The following OSBP2 variants were observed in gnomAD, a reference collection of about 807,000 sequenced individuals.
OSBP2 encodes the protein oxysterol binding protein 2.
Under a neutral mutation model 96.0 loss-of-function variants are expected in OSBP2, and 66 were observed. The observed-to-expected ratio is 0.69, with a 90% CI of 0.56 to 0.84. The LOEUF (loss-of-function observed/expected upper bound fraction) is 0.84. OSBP2 is among the 40% of genes least tolerant of loss of function. The probability of loss-of-function intolerance (pLI) is 0.00; values close to 1 mark genes in which losing one functional copy is unlikely to be tolerated. For missense variants in OSBP2, 1,038 were observed against 1,222.7 expected, an observed-to-expected ratio of 0.85 and a Z score of 2.25; for synonymous variants, 525 against 520.9, an observed-to-expected ratio of 1.01 and a Z score of -0.11.
chr22:30,827,825 G>T (rs865968385), intron 2 of OSBP2, among the ~76,000 whole-genome samples: 3 of 152,358 alleles, frequency 2.0e-5, no homozygotes, highest in Non-Finnish European at 2.9e-5. Flanking sequence ...GTGGCCCACG[G>T]AAGGGTGCTT....
At chr22:30,858,914 A>ATAATAATAATAATAATAAT (rs201632027) in intron 2 of OSBP2, among the ~76,000 whole-genome samples, 2 of 146,584 alleles carry the variant, frequency 1.4e-5, no homozygotes, top group Admixed American at 1.4e-4. Context: ...AATAATAATA[A>ATAATAATAATAATAATAAT]AAGCATTCCC....
intron 1 of OSBP2, among the ~76,000 whole-genome samples, chr22:30,738,394 C>T (rs145844432): frequency 5.9e-5 from 9 of 152,094 alleles, no homozygotes; most frequent in African/African-American, 1.9e-4. Flanking sequence ...AACAGGCATG[C>T]CCAGCTTCAC....
intron 2 of OSBP2, among the ~76,000 whole-genome samples, chr22:30,831,293 A>G (rs1224778154): frequency 6.6e-6 from 1 of 152,202 alleles, no homozygotes; most frequent in Non-Finnish European, 1.5e-5. Context: ...TTCACTTGCA[A>G]TTGACTAACC....
chr22:30,761,489 A>G (rs1212510780), intron 2 of OSBP2, among the ~76,000 whole-genome samples: 2 of 152,260 alleles, frequency 1.3e-5, no homozygotes, highest in Non-Finnish European at 2.9e-5. Context: ...AAGATTCAAG[A>G]GAGTAAAGAC....
intron 2 of OSBP2, among the ~76,000 whole-genome samples, chr22:30,849,565 A>G (rs1239469824): frequency 6.6e-6 from 1 of 152,146 alleles, no homozygotes; most frequent in Non-Finnish European, 1.5e-5. Flanking sequence ...ACCTTTTCAA[A>G]TCTTTTGCTT....
At chr22:30,891,076 C>G in intron 8 of OSBP2, 103 bp downstream of exon 8, 2 of 1,406,690 alleles carry the variant, frequency 1.4e-6, no homozygotes, top group Non-Finnish European at 1.9e-6. Flanking sequence ...CTGTCTGACC[C>G]TGACTGCCCA....
Position 30,870,657 on chromosome 22 carries a change from G to T in OSBP2, c.1082G>T (p.Arg361Leu), listed in dbSNP as rs775657267. 1.2e-6 allele frequency: 2 copies of T among 1,613,598 alleles called. No individual in the cohort carries two copies. Among genetic ancestry groups the T allele is most frequent in the Non-Finnish European group, 1.7e-6 (2 of 1,179,986 alleles). Residue 361 changes from arginine (R) to leucine (L), a missense_variant, in exon 3 of 14, where the codon CGC (arginine) becomes CTC (leucine). Around this residue, in one of 3 missense-constraint regions of OSBP2, gnomAD observed 737 missense variants for 913.3 expected, o/e 0.81. Transcript: ENST00000332585. This position sits in a 1 kb window ranked among gnomAD's most constrained non-coding sequence, Gnocchi z 4.1. ...GTGAATGAGCGGGCCACCCTCTTCC[G>T]CATCACATCCAATGCTATGATCAAC... ...KVVNERATLF[R>L]ITSNAMINAC...
At chr22:30,719,476 C>T (rs1406105514) in intron 1 of OSBP2, among the ~76,000 whole-genome samples, 1 of 151,984 alleles carries the variant, frequency 6.6e-6, no homozygotes, top group Non-Finnish European at 1.5e-5. Context: ...TCACCAAGGC[C>T]AGGCACAGTG....
chr22:30,805,229 G>A (rs900276080), intron 2 of OSBP2, among the ~76,000 whole-genome samples: 3 of 152,316 alleles, frequency 2.0e-5, no homozygotes, highest in Middle Eastern at 3.4e-3. Flanking sequence ...GTTATAAAAC[G>A]TGCATGAAAA....
At chr22:30,887,270 T>C (rs1484343146) in intron 3 of OSBP2, among the ~76,000 whole-genome samples, 156 bp from the exon 4 acceptor site, 1 of 152,194 alleles carries the variant, frequency 6.6e-6, no homozygotes, top group Non-Finnish European at 1.5e-5. Context: ...TCCTGTGACT[T>C]AGAATGCCTT....
chr22:30,893,486 G>C lies in OSBP2; in HGVS notation c.2014G>C (p.Ala672Pro). 1 of 1,614,120 alleles carries C rather than the reference G, an allele frequency of 6.2e-7. No homozygotes were observed. Among genetic ancestry groups the C allele is most frequent in the South Asian group, 1.1e-5 (1 of 91,088 alleles). Reference protein sequence around the residue: ...PLGAIHLEFQASGNHYVWRKS... With the variant: ...PLGAIHLEFQPSGNHYVWRKS... ...AGGTGCCATCCACTTAGAATTCCAG[G>C]CCAGTGGGAATCACTACGTGTGGAG... is the stretch of plus-strand genomic sequence containing the variant. Residue 672 changes from alanine (A) to proline (P), a missense_variant, in exon 10 of 14, where the codon GCC (alanine) becomes CCC (proline). By Grantham distance (27) the Ala-to-Pro change is conservative. Coordinates refer to ENST00000332585, the MANE Select transcript of OSBP2 (RefSeq NM_030758.4).
At chr22:30,811,160 C>T (rs1293455974) in intron 2 of OSBP2, among the ~76,000 whole-genome samples, 1 of 80,894 alleles carries the variant, frequency 1.2e-5, no homozygotes, top group Non-Finnish European at 2.6e-5. Context: ...TATAAGTATA[C>T]ACAACCCCCC....
At chr22:30,731,944 C>T (rs563716756) in intron 1 of OSBP2, among the ~76,000 whole-genome samples, 73 of 152,290 alleles carry the variant, frequency 4.8e-4, no homozygotes, top group Admixed American at 1.8e-3. Context: ...GTGATGTTTG[C>T]GCTGAGTGGT....
At chr22:30,705,316 G>A (rs1374104119) in intron 1 of OSBP2, among the ~76,000 whole-genome samples, 1 of 151,844 alleles carries the variant, frequency 6.6e-6, no homozygotes, top group Non-Finnish European at 1.5e-5. Context: ...TTGTTGAGAT[G>A]GAGTTTTGCT....
In OSBP2 at chr22:30,824,610, T is replaced by G. The variant is rs1031726634; in HGVS notation, c.854-45819T>G. Among the ~76,000 whole-genome samples, 3 of 152,222 alleles carry G rather than the reference T, an allele frequency of 2.0e-5. No homozygotes were observed. In the South Asian group the frequency reaches 6.2e-4, roughly 32 times the overall value. On this transcript the variant is annotated intron_variant, in intron 2 of 13. Coordinates refer to ENST00000332585, the MANE Select transcript of OSBP2 (RefSeq NM_030758.4). Reference sequence around the variant, plus strand: ...CTAGCCCCTGACATCGTTATGGGAATTGATTGTGTCCTCGTCCCCAGCATG... The same window carrying G: ...CTAGCCCCTGACATCGTTATGGGAAGTGATTGTGTCCTCGTCCCCAGCATG...
chr22:30,761,039 A>C (rs2090199105), intron 2 of OSBP2, among the ~76,000 whole-genome samples: 1 of 152,230 alleles, frequency 6.6e-6, no homozygotes, highest in Non-Finnish European at 1.5e-5. Flanking sequence ...TGAATGCTTT[A>C]CTTTCCGCCT....
rs136328 is a variant in OSBP2 at position 30,770,097 on chromosome 22, ATTT to A, written c.853+28746_853+28748del. Reference sequence around the variant, plus strand: ...TGTTCCTCATTAACCTTCCCCCATGATTTTTTTTTTTTTTTTTTTTGAGATGGA... The same window carrying A: ...TGTTCCTCATTAACCTTCCCCCATGATTTTTTTTTTTTTTTTTGAGATGGA... On this transcript the variant is annotated intron_variant, in intron 2 of 13. Coordinates refer to ENST00000332585, the MANE Select transcript of OSBP2 (RefSeq NM_030758.4). Among the ~76,000 whole-genome samples, 1,151 of 117,806 alleles carry A rather than the reference ATTT, an allele frequency of 9.8e-3. 15 individuals carry two copies. Among genetic ancestry groups the A allele is most frequent in the African/African-American group, 0.032 (964 of 30,002 alleles). The allele number at this position is 117,806 out of a possible 152,430, so 77.3% of individuals were successfully genotyped here.
intron 1 of OSBP2, among the ~76,000 whole-genome samples, chr22:30,734,306 G>C (rs1418417455): frequency 6.6e-6 from 1 of 152,166 alleles, no homozygotes; most frequent in East Asian, 1.9e-4. Flanking sequence ...ATGAAACTGG[G>C]AGGCCTTAGA....
chr22:30,724,497 A>G (rs1302740519), intron 1 of OSBP2, among the ~76,000 whole-genome samples: 2 of 152,204 alleles, frequency 1.3e-5, no homozygotes, highest in East Asian at 3.9e-4. Context: ...CTGGGATTAC[A>G]GGCGTGAGCC....
Sources: gnomAD v4.1 joint callset for allele counts (sites outside exome capture counted in the v4.1 genomes callset) on GRCh38, gnomAD v4.1.1 for gene constraint, gnomAD v4.1.1 regional missense constraint, Gnocchi (gnomAD v3.1) non-coding constraint, MANE v1.5 for transcripts, NCBI Gene and HGNC (gene_info 2026-07-23, HGNC 2026-07-21) for gene names.